The following SLC39A11 variants were observed in gnomAD, a reference collection of about 807,000 sequenced individuals.
The protein encoded by SLC39A11 is solute carrier family 39 member 11, also known as zinc transporter ZIP11.
Under a neutral mutation model 36.1 loss-of-function variants are expected in SLC39A11, and 33 were observed. That is an observed-to-expected ratio of 0.91 (90% CI 0.69 to 1.22). The LOEUF is 1.22. Ranked by LOEUF, SLC39A11 falls within the 50% of genes most tolerant of loss-of-function variation. SLC39A11 has a pLI of 0.00. For synonymous variants in SLC39A11, 166 were observed against 170.3 expected, an observed-to-expected ratio of 0.97 and a Z score of 0.20; for missense variants, 432 against 430.3, an observed-to-expected ratio of 1.00 and a Z score of -0.03.
intron 5 of SLC39A11, among the ~76,000 whole-genome samples, chr17:72,862,124 C>T (rs1283208192): frequency 6.6e-6 from 1 of 152,118 alleles, no homozygotes; most frequent in African/African-American, 2.4e-5. Context: ...ATTGCCTTTT[C>T]AAAAGATGGC....
At position 72,966,373 on chromosome 17, in the gene SLC39A11, G is replaced by GC. The variant is rs1163229100; in HGVS notation, c.307-18499dup. ...AGATTATCTGTTGAGAATTACTACCGCCCCCCACAGAGGGAGGCTTAGCAC... is the reference window on the plus strand; with the variant it reads ...AGATTATCTGTTGAGAATTACTACCGCCCCCCCACAGAGGGAGGCTTAGCAC... On this transcript the variant is annotated intron_variant, in intron 4 of 9. Transcript: ENST00000255559. Among the ~76,000 whole-genome samples, 10 of 152,224 alleles carry GC rather than the reference G, an allele frequency of 6.6e-5. No individual in the cohort carries two copies. The East Asian group carries it at 1.7e-3, about 26-fold the overall frequency.
chr17:73,044,734 G>A (rs952315820), intron 3 of SLC39A11, among the ~76,000 whole-genome samples: 3 of 151,690 alleles, frequency 2.0e-5, no homozygotes, highest in South Asian at 4.2e-4. Flanking sequence ...ATTAGCTGGG[G>A]ATGGTGGTGG....
At chr17:72,888,990 A>G (rs931532109) in intron 5 of SLC39A11, among the ~76,000 whole-genome samples, 2 of 152,164 alleles carry the variant, frequency 1.3e-5, no homozygotes, top group Admixed American at 1.3e-4. Flanking sequence ...GAGGTCAAAC[A>G]TGTTCATAAA....
In SLC39A11 at chr17:72,914,867, C is replaced by CATAAATAAATAAATAAATAA. The variant is rs374560040; in HGVS notation, c.430+32865_430+32884dup. 5.9e-3 allele frequency among the ~76,000 whole-genome samples: 886 copies of CATAAATAAATAAATAAATAA among 149,420 alleles called. 7 individuals are homozygous for CATAAATAAATAAATAAATAA. Among genetic ancestry groups the CATAAATAAATAAATAAATAA allele is most frequent in the African/African-American group, 0.011 (446 of 41,186 alleles). ...TGGGCGACAGAGCCAGACTCTGTCT[C>CATAAATAAATAAATAAATAA]ATAAATAAATAAATAAATAAAATTG... On this transcript the variant is annotated intron_variant, in intron 5 of 9. Coordinates refer to ENST00000255559, the MANE Select transcript of SLC39A11 (RefSeq NM_139177.4).
Position 73,003,681 on chromosome 17 carries a change from G to T in SLC39A11, c.306+27875C>A, listed in dbSNP as rs144222604. ...GGACAATGACTGAGCCAGGGGTGAG[G>T]TGGCCACAGAGGGCAGCATCAACCA... On this transcript the variant is annotated intron_variant, in intron 4 of 9. Coordinates refer to ENST00000255559, the MANE Select transcript of SLC39A11 (RefSeq NM_139177.4). Among the ~76,000 whole-genome samples the T allele has an allele frequency of 6.3e-3, 953 of 152,284 alleles. 7 individuals are homozygous for T. The highest frequency in any genetic ancestry group is 0.022 in the African/African-American group (915 of 41,568).
rs370924822 is a variant in SLC39A11 at position 72,952,898 on chromosome 17, G to A, written c.307-5023C>T. 9.2e-5 allele frequency among the ~76,000 whole-genome samples: 14 copies of A among 152,282 alleles called. No individual in the cohort carries two copies. In the South Asian group the frequency reaches 2.9e-3, roughly 32 times the overall value. ...CTTTCCCATCTCCACAACACACAGT[G>A]CTTCAGGTAGGCCTCTGGGGCTCTG... On this transcript the variant is annotated intron_variant, in intron 4 of 9. Transcript: ENST00000255559.
chr17:73,048,940 G>A (rs72850980), intron 3 of SLC39A11, among the ~76,000 whole-genome samples: 2,760 of 152,262 alleles, frequency 0.018, 42 homozygotes, highest in Middle Eastern at 0.034. Flanking sequence ...AGATAATAAC[G>A]CAGATGTGCT....
intron 6 of SLC39A11, among the ~76,000 whole-genome samples, chr17:72,749,251 T>C (rs2075058634): frequency 6.6e-6 from 1 of 152,180 alleles, no homozygotes; most frequent in African/African-American, 2.4e-5. Context: ...AAACACTCTG[T>C]TCCACCAATG....
chr17:72,890,764 G>A (rs948979068), intron 5 of SLC39A11, among the ~76,000 whole-genome samples: 9 of 152,192 alleles, frequency 5.9e-5, no homozygotes, highest in Admixed American at 2.0e-4. Context: ...GAGTCTGGGT[G>A]AGATTCCAGG....
chr17:73,080,532 C>A (rs1174068138), intron 3 of SLC39A11, among the ~76,000 whole-genome samples: 3 of 152,160 alleles, frequency 2.0e-5, no homozygotes, highest in African/African-American at 7.2e-5. Context: ...CATAAAAATT[C>A]TAGAAGATAA....
At chr17:72,752,034 A>T (rs9906385) in intron 6 of SLC39A11, among the ~76,000 whole-genome samples, 1 of 151,868 alleles carries the variant, frequency 6.6e-6, no homozygotes. Context: ...GGACTCACAC[A>T]GTATCTGTGA....
intron 5 of SLC39A11, among the ~76,000 whole-genome samples, chr17:72,935,949 C>A (rs1002633179): frequency 6.6e-6 from 1 of 151,694 alleles, no homozygotes; most frequent in Admixed American, 6.6e-5. Flanking sequence ...ATAATCCCAG[C>A]ACTTTGGGAG....
intron 3 of SLC39A11, 75 bp downstream of exon 3, chr17:73,084,733 G>A: frequency 6.6e-7 from 1 of 1,504,378 alleles, no homozygotes; most frequent in East Asian, 2.3e-5. Context: ...GGGAGGGACT[G>A]AAGACAGCCC....
chr17:72,796,545 G>T lies in SLC39A11; in HGVS notation c.601+53089C>A, dbSNP rs184299347. ...GCACAGCCCAGGGCATGCCAGGTGA[G>T]GGGAAGGGCGAGTGGCAAAGGAGAA... On this transcript the variant is annotated intron_variant, in intron 6 of 9. Transcript: ENST00000255559. Among the ~76,000 whole-genome samples, 275 of 152,256 alleles carry T rather than the reference G, an allele frequency of 1.8e-3. 1 individual carries two copies. The highest frequency in any genetic ancestry group is 3.9e-3 in the South Asian group (19 of 4,832).
intron 6 of SLC39A11, among the ~76,000 whole-genome samples, chr17:72,780,784 T>C (rs900086719): frequency 7.2e-5 from 11 of 152,104 alleles, no homozygotes; most frequent in African/African-American, 2.7e-4. Context: ...GGTCAGGAGT[T>C]TGAGACCAGC....
intron 6 of SLC39A11, among the ~76,000 whole-genome samples, chr17:72,802,458 C>T (rs1383760356): frequency 4.0e-5 from 6 of 151,666 alleles, no homozygotes; most frequent in African/African-American, 9.7e-5. Context: ...GGCACGGTGG[C>T]GGGCGCCTGT....
Position 73,092,322 on chromosome 17 carries a change from T to A in SLC39A11, c.-12+289A>T, listed in dbSNP as rs534132243. ...CTAGGAAGGGACGAACGAAGAGGAT[T>A]TGGGTTAGGACTGTAAAAGGAAGGC... On this transcript the variant is annotated intron_variant, in intron 1 of 9. Coordinates refer to ENST00000255559, the MANE Select transcript of SLC39A11 (RefSeq NM_139177.4). 2.6e-5 allele frequency: 4 copies of A among 152,344 alleles called. No individual in the cohort carries two copies. In the East Asian group the frequency reaches 5.8e-4, roughly 22 times the overall value. 9.4% of individuals were successfully genotyped at this position (152,344 alleles called of 1,614,324 possible). A position where few individuals can be genotyped will look rare whatever the true frequency, so the allele number is the denominator to read the frequency against.
At chr17:72,778,769 A>G (rs1291147989) in intron 6 of SLC39A11, among the ~76,000 whole-genome samples, 1 of 152,222 alleles carries the variant, frequency 6.6e-6, no homozygotes. Context: ...CCCTACGCTG[A>G]GCAAGACCTT....
intron 6 of SLC39A11, among the ~76,000 whole-genome samples, chr17:72,810,974 G>A (rs889246937): frequency 5.9e-5 from 9 of 151,884 alleles, no homozygotes; most frequent in East Asian, 1.9e-4. Context: ...GATTACAGGC[G>A]TGAGCCACCA....
Sources: gnomAD v4.1 joint callset for allele counts (sites outside exome capture counted in the v4.1 genomes callset) on GRCh38, gnomAD v4.1.1 for gene constraint, MANE v1.5 for transcripts, NCBI Gene and HGNC (gene_info 2026-07-23, HGNC 2026-07-21) for gene names.